Variants in KCNH1 observed in about 807,000 individuals in gnomAD.
KCNH1 encodes the protein potassium voltage-gated channel subfamily H member 1.
KCNH1 carries 27 observed loss-of-function variants against 69.2 expected under a neutral mutation model. That is an observed-to-expected ratio of 0.39 (90% CI 0.29 to 0.54). The LOEUF (loss-of-function observed/expected upper bound fraction) is 0.54, where lower values mean the gene tolerates loss of function less well. KCNH1 is among the 20% of genes least tolerant of loss of function. The probability of loss-of-function intolerance (pLI) is 0.68; values close to 1 mark genes in which losing one functional copy is unlikely to be tolerated. For missense variants in KCNH1, 798 were observed against 1,261.6 expected, an observed-to-expected ratio of 0.63 and a Z score of 5.57; for synonymous variants, 456 against 487.7, an observed-to-expected ratio of 0.93 and a Z score of 0.86.
intron 5 of KCNH1, among the ~76,000 whole-genome samples, chr1:211,048,224 A>C (rs1398536621): frequency 6.6e-6 from 1 of 152,234 alleles, no homozygotes; most frequent in African/African-American, 2.4e-5. Context: ...ACACTTTTAC[A>C]CTGCCGGTGT....
At chr1:211,118,190 C>A (rs1261730718) in intron 1 of KCNH1, among the ~76,000 whole-genome samples, 1 of 152,160 alleles carries the variant, frequency 6.6e-6, no homozygotes, top group Admixed American at 6.5e-5. Flanking sequence ...CTAAATGTGT[C>A]TTTGAAAACA....
At chr1:211,081,537 T>C (rs1308059737) in intron 5 of KCNH1, among the ~76,000 whole-genome samples, 2 of 152,236 alleles carry the variant, frequency 1.3e-5, no homozygotes, top group Non-Finnish European at 2.9e-5. Flanking sequence ...ATTACGGCAC[T>C]ATTCACAATA....
chr1:210,993,571 A>T (rs1688971989), intron 6 of KCNH1, among the ~76,000 whole-genome samples: 1 of 152,196 alleles, frequency 6.6e-6, no homozygotes, highest in Non-Finnish European at 1.5e-5. Flanking sequence ...CTTAACAGAA[A>T]TTTCCTGTGC....
chr1:210,734,809 A>G (rs1447176203), intron 10 of KCNH1, among the ~76,000 whole-genome samples: 1 of 151,782 alleles, frequency 6.6e-6, no homozygotes, highest in African/African-American at 2.4e-5. Context: ...AATAGCACCT[A>G]CCCCATAAGG....
At chr1:210,878,961 C>T (rs1686438468) in intron 7 of KCNH1, among the ~76,000 whole-genome samples, 1 of 151,768 alleles carries the variant, frequency 6.6e-6, no homozygotes, top group South Asian at 2.1e-4. Context: ...CACTACAGAC[C>T]TCATGAACAT....
At chr1:210,694,858 A>G (rs912572544) in intron 10 of KCNH1, among the ~76,000 whole-genome samples, 3 of 152,238 alleles carry the variant, frequency 2.0e-5, no homozygotes, top group African/African-American at 4.8e-5. Flanking sequence ...AGAGCAATGT[A>G]TGAGATAGTT....
At chr1:210,719,838 A>G (rs1266411558) in intron 10 of KCNH1, among the ~76,000 whole-genome samples, 1 of 152,200 alleles carries the variant, frequency 6.6e-6, no homozygotes, top group Non-Finnish European at 1.5e-5. Flanking sequence ...AAATTTGGAA[A>G]ACAATCCGTA....
chr1:210,926,517 G>A (rs1039336742), intron 6 of KCNH1, among the ~76,000 whole-genome samples: 2 of 152,128 alleles, frequency 1.3e-5, no homozygotes, highest in African/African-American at 4.8e-5. Flanking sequence ...GGAAGGGGGA[G>A]AACACTCTAT....
chr1:210,712,300 G>T (rs541834340), intron 10 of KCNH1, among the ~76,000 whole-genome samples: 2 of 152,254 alleles, frequency 1.3e-5, no homozygotes, highest in South Asian at 4.2e-4. Context: ...ACAAGGCAAG[G>T]GTCATTGAGC....
At chr1:210,964,277 C>G (rs1688353801) in intron 6 of KCNH1, among the ~76,000 whole-genome samples, 1 of 152,120 alleles carries the variant, frequency 6.6e-6, no homozygotes. Flanking sequence ...TACAAGAGCT[C>G]CTGAAGGAAG....
intron 6 of KCNH1, among the ~76,000 whole-genome samples, chr1:210,949,143 A>C (rs866700093): frequency 3.3e-5 from 5 of 152,136 alleles, no homozygotes; most frequent in Admixed American, 6.5e-5. Context: ...TTTATACTTA[A>C]AGGGAAAAAA....
At chr1:210,706,047 G>A (rs17016720) in intron 10 of KCNH1, among the ~76,000 whole-genome samples, 3,365 of 152,298 alleles carry the variant, frequency 0.022, 47 homozygotes, top group Non-Finnish European at 0.036. Context: ...GACTTGGAGT[G>A]GTTAAGTGGA....
intron 1 of KCNH1, among the ~76,000 whole-genome samples, chr1:211,125,950 A>G (rs1691769595): frequency 1.3e-5 from 2 of 152,244 alleles, no homozygotes; most frequent in African/African-American, 4.8e-5. Flanking sequence ...TAACTCTGTA[A>G]TACCTAATCA....
intron 9 of KCNH1, among the ~76,000 whole-genome samples, chr1:210,777,226 A>C (rs1216077135): frequency 1.3e-5 from 2 of 152,206 alleles, no homozygotes; most frequent in Admixed American, 1.3e-4. Flanking sequence ...AACATCAAAA[A>C]GTATCCATTC....
At chr1:210,955,876 T>C (rs1382520271) in intron 6 of KCNH1, among the ~76,000 whole-genome samples, 1 of 152,212 alleles carries the variant, frequency 6.6e-6, no homozygotes, top group Non-Finnish European at 1.5e-5. Flanking sequence ...CCTCTTTTCC[T>C]AATTGAATAC....
intron 7 of KCNH1, among the ~76,000 whole-genome samples, chr1:210,838,032 C>A (rs1485676396): frequency 6.6e-6 from 1 of 152,020 alleles, no homozygotes; most frequent in Non-Finnish European, 1.5e-5. Context: ...CCCAAATAGC[C>A]AAGAAAATGC....
chr1:210,904,552 G>T (rs1457616163), intron 7 of KCNH1, among the ~76,000 whole-genome samples: 1 of 152,198 alleles, frequency 6.6e-6, no homozygotes, highest in Non-Finnish European at 1.5e-5. Flanking sequence ...AGGCTCTGGA[G>T]CCCAGGCTGC....
chr1:210,919,516 T>A lies in KCNH1; in HGVS notation c.1462+124A>T. 1.1e-6 allele frequency: 1 copy of A among 943,810 alleles called. No homozygotes were observed. Among genetic ancestry groups the A allele is most frequent in the Admixed American group, 2.2e-5 (1 of 44,602 alleles). 58.5% of individuals were successfully genotyped at this position (943,810 alleles called of 1,614,324 possible). A position where few individuals can be genotyped will look rare whatever the true frequency, so the allele number is the denominator to read the frequency against. On this transcript the variant is annotated intron_variant, in intron 7 of 10. Coordinates refer to ENST00000271751, the MANE Select transcript of KCNH1 (RefSeq NM_172362.3). The surrounding 1 kb of genome is among the most constrained non-coding windows in gnomAD (Gnocchi z 4.2). ...ATTATCAGGGTAACTGTAAGCCTAG[T>A]CTTAAAAAAACTCTTCCTTGTTTTA...
chr1:211,015,272 T>C (rs918493273), intron 6 of KCNH1, among the ~76,000 whole-genome samples: 1 of 152,314 alleles, frequency 6.6e-6, no homozygotes, highest in Non-Finnish European at 1.5e-5. Context: ...GACTCAACTG[T>C]CCTTCATTAA....
Sources: allele counts gnomAD v4.1 joint callset (sites outside exome capture counted in the v4.1 genomes callset), GRCh38; gene constraint gnomAD v4.1.1; non-coding constraint Gnocchi (gnomAD v3.1); transcripts MANE v1.5; gene names NCBI Gene and HGNC (gene_info 2026-07-23, HGNC 2026-07-21).